LARGE1: variants seen among roughly 807,000 people sequenced by gnomAD.
LARGE1 encodes LARGE xylosyl- and glucuronyltransferase 1.
A neutral mutation model predicts 87.6 loss-of-function variants in LARGE1; 43 were observed. The ratio of observed to expected loss-of-function variants is 0.49; its 90% confidence interval spans 0.38 to 0.63. The LOEUF (loss-of-function observed/expected upper bound fraction) is 0.63, where lower values mean the gene tolerates loss of function less well. Ranked by LOEUF, LARGE1 falls within the 30% of genes least tolerant of loss-of-function variation. The pLI is 0.00. For missense variants in LARGE1, 802 were observed against 1,000.2 expected (o/e 0.80, Z 2.67); for synonymous variants, 434 against 394.6 (o/e 1.10, Z -1.18).
chr22:33,549,906 T>C (rs1220503697), intron 6 of LARGE1, among the ~76,000 whole-genome samples: 2 of 152,154 alleles, frequency 1.3e-5, no homozygotes, highest in South Asian at 2.1e-4. Context: ...GCTTCATCCA[T>C]GTTGCTACAA....
intron 11 of LARGE1, among the ~76,000 whole-genome samples, chr22:33,202,448 C>A (rs1371171369): frequency 6.6e-6 from 1 of 152,170 alleles, no homozygotes; most frequent in Non-Finnish European, 1.5e-5. Context: ...CCATCTTAAT[C>A]AAAGGGAACT....
At chr22:33,518,203 G>A (rs1230568538) in intron 6 of LARGE1, among the ~76,000 whole-genome samples, 2 of 152,208 alleles carry the variant, frequency 1.3e-5, no homozygotes, top group Non-Finnish European at 2.9e-5. Context: ...GAACTCATCT[G>A]TGTGTCACAC....
chr22:33,517,728 G>C (rs897769530), intron 6 of LARGE1, among the ~76,000 whole-genome samples: 2 of 152,206 alleles, frequency 1.3e-5, no homozygotes, highest in Non-Finnish European at 2.9e-5. Flanking sequence ...CAACTTCTGA[G>C]AGAGTCTGAG....
rs371987020 is a variant in LARGE1 at position 33,810,446 on chromosome 22, A to G, written c.-82-48888T>C. Among the ~76,000 whole-genome samples the G allele has an allele frequency of 4.7e-4, 72 of 152,316 alleles. 1 individual carries two copies. The highest frequency in any genetic ancestry group is 1.6e-3 in the African/African-American group (67 of 41,572). ...ATTCTACCATGGTGTGGTGGTTCTC[A>G]TATTGTTCACAAATATCAGCTCTTC... On this transcript the variant is annotated intron_variant, in intron 1 of 14. Transcript: ENST00000397394.
the LARGE1 span, among the ~76,000 whole-genome samples, chr22:33,111,493 T>C: frequency 6.6e-6 from 1 of 152,188 alleles, no homozygotes; most frequent in Non-Finnish European, 1.5e-5. Flanking sequence ...GCCCAACTCC[T>C]GACCTTCCCA....
chr22:33,659,777 C>T (rs1603026646), intron 2 of LARGE1, among the ~76,000 whole-genome samples: 1 of 148,188 alleles, frequency 6.7e-6, no homozygotes, highest in Admixed American at 6.7e-5. Flanking sequence ...GAGTTCCTCA[C>T]TAGCTTCTAA....
Position 33,546,429 on chromosome 22 carries a change from G to A in LARGE1, c.787+18419C>T, listed in dbSNP as rs551889495. Among the ~76,000 whole-genome samples, 388 of 152,230 alleles carry A rather than the reference G, an allele frequency of 2.5e-3. 1 individual carries two copies. Among genetic ancestry groups the A allele is most frequent in the African/African-American group, 9.0e-3 (375 of 41,550 alleles). On this transcript the variant is annotated intron_variant, in intron 6 of 14. Transcript: ENST00000397394. The stretch of plus-strand genomic sequence containing the variant: ...AGGTTATGGGGGATGTCTTTCCCAG[G>A]TTCCGAAATTAATGACTGTCTCCAT...
intron 9 of LARGE1, among the ~76,000 whole-genome samples, chr22:33,340,933 T>C (rs1199638886): frequency 1.3e-5 from 2 of 151,828 alleles, no homozygotes; most frequent in African/African-American, 4.9e-5. Context: ...TAAAACATTC[T>C]GTTTCATGCT....
At chr22:33,917,672 T>G (rs569923179) in intron 1 of LARGE1, among the ~76,000 whole-genome samples, 2 of 152,276 alleles carry the variant, frequency 1.3e-5, no homozygotes, top group East Asian at 3.9e-4. Context: ...CTTTTTGTAG[T>G]CCTTAAATAC....
At chr22:33,366,807 G>C (rs1409119162) in intron 9 of LARGE1, among the ~76,000 whole-genome samples, 1 of 151,714 alleles carries the variant, frequency 6.6e-6, no homozygotes, top group Admixed American at 6.6e-5. Context: ...ACAGACTAAT[G>C]CACTTTTTTT....
chr22:33,719,648 G>A (rs983385963), intron 2 of LARGE1, among the ~76,000 whole-genome samples: 1 of 152,010 alleles, frequency 6.6e-6, no homozygotes, highest in African/African-American at 2.4e-5. Flanking sequence ...AGCCTCCTGA[G>A]TAGCTGGGAC....
intron 10 of LARGE1, among the ~76,000 whole-genome samples, chr22:33,328,580 A>C (rs1284169398): frequency 6.8e-6 from 1 of 146,424 alleles, no homozygotes; most frequent in Non-Finnish European, 1.5e-5. Context: ...CTCTCTCTCA[A>C]AATAATAATA....
intron 2 of LARGE1, among the ~76,000 whole-genome samples, chr22:33,725,333 C>T (rs1320255699): frequency 6.6e-6 from 1 of 152,144 alleles, no homozygotes; most frequent in East Asian, 1.9e-4. Flanking sequence ...CCATTGGCCT[C>T]GGCCGGTATT....
intron 7 of LARGE1, among the ~76,000 whole-genome samples, chr22:33,410,203 T>G (rs2066258761): frequency 6.6e-6 from 1 of 152,182 alleles, no homozygotes; most frequent in South Asian, 2.1e-4. Context: ...GCAGCCATGA[T>G]GGCAAGTACT....
At chr22:33,763,107 C>T (rs1156813337) in intron 1 of LARGE1, among the ~76,000 whole-genome samples, 1 of 152,140 alleles carries the variant, frequency 6.6e-6, no homozygotes, top group African/African-American at 2.4e-5. Context: ...AGGCAGATAC[C>T]CACCCCATCA....
At position 33,171,294 on chromosome 22, in the gene LARGE1, A is replaced by T. The variant is rs918624671; in HGVS notation, c.1731-4462T>A. On this transcript the variant is annotated intron_variant, in intron 11 of 11. Coordinates refer to the LARGE1 transcript ENST00000608642. ...AGGGAAGTAGAGCATAAAGGTTTGG[A>T]AAATTTGCAGCCTGATCATGTGGTG... Among the ~76,000 whole-genome samples the T allele has an allele frequency of 5.3e-5, 8 of 152,208 alleles. No homozygotes were observed. The East Asian group carries it at 1.5e-3, about 29-fold the overall frequency.
At chr22:33,679,739 G>A (rs2081693302) in intron 2 of LARGE1, among the ~76,000 whole-genome samples, 1 of 152,186 alleles carries the variant, frequency 6.6e-6, no homozygotes, top group Non-Finnish European at 1.5e-5. Flanking sequence ...CTATTCGGGA[G>A]GCTGAGGCAG....
intron 2 of LARGE1, among the ~76,000 whole-genome samples, chr22:33,703,678 G>C (rs1467456336): frequency 1.3e-5 from 2 of 152,222 alleles, no homozygotes; most frequent in Non-Finnish European, 2.9e-5. Flanking sequence ...CACAAGCCAA[G>C]GGATGCAGGT....
intron 3 of LARGE1, among the ~76,000 whole-genome samples, chr22:33,638,332 T>C (rs1185825278): frequency 6.6e-6 from 1 of 152,226 alleles, no homozygotes; most frequent in Non-Finnish European, 1.5e-5. Flanking sequence ...AGCTAATAAA[T>C]ACATCCATAG....
Sources: allele counts gnomAD v4.1 joint callset (sites outside exome capture counted in the v4.1 genomes callset), GRCh38; gene constraint gnomAD v4.1.1; transcripts MANE v1.5; gene names NCBI Gene and HGNC (gene_info 2026-07-23, HGNC 2026-07-21).